Variants in ARHGAP31 observed in about 807,000 individuals in gnomAD.
The protein encoded by ARHGAP31 is Rho GTPase activating protein 31.
Under a neutral mutation model 113.9 loss-of-function variants are expected in ARHGAP31, and 34 were observed. That is an observed-to-expected ratio of 0.30 (90% CI 0.23 to 0.40). The LOEUF (loss-of-function observed/expected upper bound fraction) is 0.40, where lower values mean the gene tolerates loss of function less well. Ranked by LOEUF, ARHGAP31 falls within the 10% of genes least tolerant of loss-of-function variation. ARHGAP31 has a pLI of 1.00. For synonymous variants in ARHGAP31, 650 were observed against 684.8 expected (o/e 0.95, Z 0.79); for missense variants, 1,548 against 1,767.1 (o/e 0.88, Z 2.22).
rs72962553 is a variant in ARHGAP31, at chr3:119,336,644, A to G, written c.101-28672A>G. On this transcript the variant is annotated intron_variant, in intron 1 of 11. Coordinates refer to ENST00000264245, the MANE Select transcript of ARHGAP31 (RefSeq NM_020754.4). Reference sequence around the variant, plus strand: ...GCATTTACTGCTGGTTTTATTTTTAATTTTATTGAGATATAATTAACATAC... The same window carrying G: ...GCATTTACTGCTGGTTTTATTTTTAGTTTTATTGAGATATAATTAACATAC... Among the ~76,000 whole-genome samples the G allele has an allele frequency of 4.2e-3, 633 of 152,200 alleles. 4 individuals are homozygous for G. The highest frequency in any genetic ancestry group is 0.015 in the African/African-American group (612 of 41,506).
intron 6 of ARHGAP31, among the ~76,000 whole-genome samples, chr3:119,386,416 A>C (rs1171269815): frequency 2.6e-5 from 4 of 152,178 alleles, no homozygotes; most frequent in African/African-American, 4.8e-5. Flanking sequence ...GTGTTCTCAC[A>C]TGGGGAAAGG....
At chr3:119,323,211 G>C (rs1212869575) in intron 1 of ARHGAP31, among the ~76,000 whole-genome samples, 1 of 152,084 alleles carries the variant, frequency 6.6e-6, no homozygotes, top group Non-Finnish European at 1.5e-5. Flanking sequence ...GAACGCCCTC[G>C]GGGACGGCTG....
chr3:119,300,064 T>C (rs1367346254), intron 1 of ARHGAP31, among the ~76,000 whole-genome samples: 1 of 152,182 alleles, frequency 6.6e-6, no homozygotes, highest in African/African-American at 2.4e-5. Context: ...TGGAGGATCC[T>C]ATTAGGAGTT....
At chr3:119,320,894 G>C (rs75795800) in intron 1 of ARHGAP31, among the ~76,000 whole-genome samples, 1 of 152,024 alleles carries the variant, frequency 6.6e-6, no homozygotes, top group South Asian at 2.1e-4. Flanking sequence ...GGCCTTTCTC[G>C]GGCTGTTCTT....
intron 1 of ARHGAP31, among the ~76,000 whole-genome samples, chr3:119,328,088 A>T (rs933936429): frequency 5.3e-5 from 8 of 152,354 alleles, no homozygotes; most frequent in Admixed American, 1.3e-4. Flanking sequence ...TGTTTGATTT[A>T]AAAAATCAGA....
chr3:119,365,685 G>T (rs910786168), intron 2 of ARHGAP31, among the ~76,000 whole-genome samples: 3 of 152,202 alleles, frequency 2.0e-5, no homozygotes, highest in Non-Finnish European at 4.4e-5. Context: ...CTTCTTTGGT[G>T]AATTTGATTT....
chr3:119,342,898 G>T (rs1302573620), intron 1 of ARHGAP31, among the ~76,000 whole-genome samples: 2 of 151,552 alleles, frequency 1.3e-5, no homozygotes. Context: ...GCAGTGAGCC[G>T]AGATTATACC....
chr3:119,389,207 A>C (rs1035358286), intron 6 of ARHGAP31, among the ~76,000 whole-genome samples: 3 of 152,140 alleles, frequency 2.0e-5, no homozygotes, highest in Admixed American at 1.3e-4. Flanking sequence ...AACAAACAAA[A>C]AAAACCATCT....
intron 11 of ARHGAP31, among the ~76,000 whole-genome samples, chr3:119,410,546 C>G (rs1253561427): frequency 6.6e-6 from 1 of 152,046 alleles, no homozygotes; most frequent in African/African-American, 2.4e-5. Context: ...GATGGCTGAG[C>G]TAGGGTCTCT....
chr3:119,415,545 A>G lies in ARHGAP31; in HGVS notation c.3616A>G (p.Lys1206Glu). ...QARAVPVIPPKIQYTQIPQPL... is the reference protein window; with the variant it reads ...QARAVPVIPPEIQYTQIPQPL... ...CAGGGCGGTCCCAGTCATCCCTCCC[A>G]AGATTCAGTACACCCAGATCCCACA... Residue 1206 changes from lysine (K) to glutamate (E), a missense_variant, in exon 12 of 12, where the codon AAG becomes GAG. Lys to Glu is a moderately conservative substitution (Grantham distance 56, BLOSUM62 1). Transcript: ENST00000264245. 1 of 1,614,160 alleles carries G rather than the reference A, an allele frequency of 6.2e-7. No individual in the cohort carries two copies. Among genetic ancestry groups the G allele is most frequent in the Non-Finnish European group, 8.5e-7 (1 of 1,180,026 alleles).
intron 1 of ARHGAP31, among the ~76,000 whole-genome samples, chr3:119,339,904 C>T (rs75729860): frequency 0.018 from 2,802 of 152,210 alleles, 81 homozygotes; most frequent in African/African-American, 0.062. Flanking sequence ...GCATGACCCA[C>T]AAAGGGAAAA....
In ARHGAP31 at chr3:119,402,194, G is replaced by A. The variant is rs1334865793; in HGVS notation, c.1442G>A (p.Arg481His). 4.3e-6 allele frequency: 7 copies of A among 1,614,148 alleles called. No homozygotes were observed. Among genetic ancestry groups the A allele is most frequent in the African/African-American group, 1.3e-5 (1 of 74,946 alleles). ...ATGGAGCCCTCGCCGCGTAACCAGC[G>A]CAAGGCGCTGAACATCTCCGAGCCC... is the stretch of plus-strand genomic sequence containing the variant. ...FQMEPSPRNQ[R>H]KALNISEPFA... is the part of the protein sequence containing the mutation. The change falls in exon 10 of 12, where the codon CGC becomes CAC. Residue 481 changes from arginine (R) to histidine (H), a missense_variant. By Grantham distance (29) the Arg-to-His change is conservative (BLOSUM62 0). Transcript: ENST00000264245.
At chr3:119,375,335 T>G (rs2080337100) in intron 3 of ARHGAP31, among the ~76,000 whole-genome samples, 1 of 152,216 alleles carries the variant, frequency 6.6e-6, no homozygotes, top group Non-Finnish European at 1.5e-5. Context: ...TGATGGCTGC[T>G]GACGTTCCTT....
rs2080782011 is a variant in ARHGAP31 at position 119,416,639 on chromosome 3, AG to A, written c.*376del. ...AAAGAAAGAAGTAATGTTCTTTGAA[AG>A]AAAGAAAAATCTCTTGCTGTGTCAA... On this transcript the variant is annotated 3_prime_UTR_variant, in exon 12 of 12. Transcript: ENST00000264245. 3.3e-6 allele frequency: 1 copy of A among 305,536 alleles called. No individual in the cohort carries two copies. Among genetic ancestry groups the A allele is most frequent in the African/African-American group, 2.2e-5 (1 of 45,838 alleles). 18.9% of individuals were successfully genotyped at this position (305,536 alleles called of 1,614,324 possible).
At chr3:119,367,856 C>CAAAAAAA (rs1398233400) in intron 2 of ARHGAP31, among the ~76,000 whole-genome samples, 1 of 111,358 alleles carries the variant, frequency 9.0e-6, no homozygotes. Flanking sequence ...GACTCCATCT[C>CAAAAAAA]AAAAAAAAGA....
chr3:119,409,781 A>C lies in ARHGAP31; in HGVS notation c.1926+5A>C, dbSNP rs1463139. The C allele has an allele frequency of 1.3e-6, 2 of 1,594,986 alleles. No homozygotes were observed. Among genetic ancestry groups the C allele is most frequent in the South Asian group, 2.3e-5 (2 of 88,474 alleles). The stretch of plus-strand genomic sequence containing the variant: ...GCTGTGCTTCTCCATGAGATGGTAA[A>C]GTGCATTCTCCACCTGCTCCAGCCA... On this transcript the variant is annotated splice_donor_5th_base_variant and intron_variant, in intron 11 of 11. Coordinates refer to ENST00000264245, the MANE Select transcript of ARHGAP31 (RefSeq NM_020754.4).
At chr3:119,389,816 CA>C (rs1281632108) in intron 6 of ARHGAP31, among the ~76,000 whole-genome samples, 6 of 152,154 alleles carry the variant, frequency 3.9e-5, no homozygotes, top group African/African-American at 1.4e-4. Flanking sequence ...GCAAGGTCAC[CA>C]AAAACTAAAT....
At position 119,415,767 on chromosome 3, in the gene ARHGAP31, C is replaced by G. The variant is rs780514885; in HGVS notation, c.3838C>G (p.Pro1280Ala). 4.5e-5 allele frequency: 73 copies of G among 1,614,090 alleles called. No homozygotes were observed. The highest frequency in any genetic ancestry group is 6.0e-5 in the Non-Finnish European group (71 of 1,180,042). ...GTCCTCACCAGTGGATGCCACTGCA[C>G]CCTGCATGTGCGAGGGACCTACCCT... ...IKSSPVDATAPCMCEGPTLSP... is the reference protein window; with the variant it reads ...IKSSPVDATAACMCEGPTLSP... Residue 1280 changes from proline (P) to alanine (A), a missense_variant, in exon 12 of 12, where the codon CCC (proline) becomes GCC (alanine). By Grantham distance (27) the Pro-to-Ala change is conservative. Transcript: ENST00000264245.
At chr3:119,394,818 A>G (rs770706379) in intron 8 of ARHGAP31, among the ~76,000 whole-genome samples, 1 of 152,092 alleles carries the variant, frequency 6.6e-6, no homozygotes, top group African/African-American at 2.4e-5. Flanking sequence ...AAAACAACAA[A>G]AGACAATTTG....
Sources: allele counts gnomAD v4.1 joint callset (sites outside exome capture counted in the v4.1 genomes callset), GRCh38; gene constraint gnomAD v4.1.1; transcripts MANE v1.5; gene names NCBI Gene and HGNC (gene_info 2026-07-23, HGNC 2026-07-21).